PRRG1: variants seen among roughly 807,000 people sequenced by gnomAD.
The protein encoded by PRRG1 is proline rich and Gla domain 1.
Under a neutral mutation model 11.8 loss-of-function variants are expected in PRRG1, and 5 were observed. The ratio of observed to expected loss-of-function variants is 0.42; its 90% CI spans 0.22 to 0.89. PRRG1 has a LOEUF of 0.89. PRRG1 is among the 40% of genes least tolerant of loss of function. The pLI is 0.28. For missense variants in PRRG1, 155 were observed against 166.1 expected (o/e 0.93, Z 0.37); for synonymous variants, 66 against 60.4 (o/e 1.09, Z -0.43).
chrX:37,407,886 A>T (rs1358959462), intron 2 of PRRG1, among the ~76,000 whole-genome samples: 2 of 111,418 alleles, frequency 1.8e-5, no homozygotes, highest in Non-Finnish European at 3.8e-5. Flanking sequence ...GGAAGCCCTA[A>T]GGATTATGGA....
chrX:37,397,239 C>G (rs1216672110), intron 1 of PRRG1, among the ~76,000 whole-genome samples: 2 of 112,305 alleles, frequency 1.8e-5, no homozygotes, highest in African/African-American at 6.5e-5. Flanking sequence ...TAGGACAGTG[C>G]TAAAGTCGAT....
At chrX:37,401,702 T>C (rs1335996448) in intron 1 of PRRG1, among the ~76,000 whole-genome samples, 2 of 111,167 alleles carry the variant, frequency 1.8e-5, no homozygotes, top group African/African-American at 3.3e-5. Context: ...ATTGTCCCTG[T>C]TTGCAGATGA....
At chrX:37,374,551 C>T (rs782637443) in intron 1 of PRRG1, among the ~76,000 whole-genome samples, 8 of 111,089 alleles carry the variant, frequency 7.2e-5, no homozygotes, top group Admixed American at 1.9e-4. Context: ...TATGACTGTT[C>T]GATATCATCT....
intron 1 of PRRG1, among the ~76,000 whole-genome samples, chrX:37,402,565 A>G (rs782708199): frequency 1.8e-5 from 2 of 111,939 alleles, no homozygotes; most frequent in East Asian, 5.6e-4. Context: ...TTCAGGACAT[A>G]GGCATAGGCA....
intron 3 of PRRG1, among the ~76,000 whole-genome samples, chrX:37,439,394 T>C (rs1335939519): frequency 8.9e-6 from 1 of 112,400 alleles, no homozygotes; most frequent in Non-Finnish European, 1.9e-5. Context: ...CATCTTTTCA[T>C]GGAGTCCACA....
intron 1 of PRRG1, among the ~76,000 whole-genome samples, chrX:37,392,571 T>C (rs1363893987): frequency 4.0e-5 from 4 of 100,500 alleles, no homozygotes; most frequent in Non-Finnish European, 6.0e-5. Context: ...GGTGGGAGGA[T>C]CACTTGAGCC....
intron 2 of PRRG1, among the ~76,000 whole-genome samples, chrX:37,415,111 A>G (rs1414000957): frequency 8.9e-6 from 1 of 112,381 alleles, no homozygotes; most frequent in African/African-American, 3.2e-5. Context: ...AAATGAATTA[A>G]TTAAAAATGT....
chrX:37,453,781 T>C lies in PRRG1; in HGVS notation c.*160T>C, dbSNP rs1556397516. The C allele has an allele frequency of 6.3e-5, 37 of 582,998 alleles. No individual in the cohort carries two copies. Among genetic ancestry groups the C allele is most frequent in the African/African-American group, 7.0e-5 (3 of 42,807 alleles). The allele number at this position is 582,998 out of a possible 1,213,427, so 48.0% of individuals were successfully genotyped here. ...TTTTCTTTAGTTTTGTTTCTTGTTA[T>C]AGAATCATTATCCATGCTCATTTTT... On this transcript the variant is annotated 3_prime_UTR_variant, in exon 4 of 4. Transcript: ENST00000378628.
intron 1 of PRRG1, among the ~76,000 whole-genome samples, chrX:37,350,043 A>G (rs782236449): frequency 8.3e-5 from 3 of 36,313 alleles, no homozygotes; most frequent in Admixed American, 6.8e-4. Flanking sequence ...GCCCTGGGGG[A>G]TGGGAGAGCG....
intron 1 of PRRG1, among the ~76,000 whole-genome samples, chrX:37,392,383 C>G (rs1931568144): frequency 9.1e-6 from 1 of 109,622 alleles, no homozygotes. Context: ...CATTAGAAAA[C>G]TAGTGCCAGG....
At chrX:37,421,741 A>T (rs889158318) in intron 2 of PRRG1, among the ~76,000 whole-genome samples, 1 of 112,461 alleles carries the variant, frequency 8.9e-6, no homozygotes, top group Non-Finnish European at 1.9e-5. Context: ...AAAGAAAATA[A>T]TCTAGTTCTG....
intron 1 of PRRG1, among the ~76,000 whole-genome samples, chrX:37,405,064 T>A (rs1401279540): frequency 8.9e-6 from 1 of 112,065 alleles, no homozygotes; most frequent in African/African-American, 3.2e-5. Flanking sequence ...AAAAGTCTTA[T>A]AATAAAGAAA....
intron 1 of PRRG1, among the ~76,000 whole-genome samples, chrX:37,404,114 T>C (rs1487802587): frequency 6.3e-5 from 7 of 111,908 alleles, no homozygotes; most frequent in African/African-American, 1.9e-4. Context: ...GATTCTTTTC[T>C]AAAAGACTTT....
At chrX:37,416,134 C>T (rs782566630) in intron 2 of PRRG1, among the ~76,000 whole-genome samples, 64 of 112,270 alleles carry the variant, frequency 5.7e-4, no homozygotes, top group Non-Finnish European at 1.0e-3. Flanking sequence ...CTCAATGAAA[C>T]TCCATTTCTT....
At chrX:37,357,546 G>C (rs993246416) in intron 1 of PRRG1, among the ~76,000 whole-genome samples, 1 of 111,911 alleles carries the variant, frequency 8.9e-6, no homozygotes, top group African/African-American at 3.2e-5. Flanking sequence ...AATAAATGTC[G>C]TAAGTTTTAA....
intron 3 of PRRG1, among the ~76,000 whole-genome samples, chrX:37,443,516 C>T (rs1427679231): frequency 1.8e-5 from 2 of 111,449 alleles, no homozygotes; most frequent in African/African-American, 6.5e-5. Context: ...CAAATCTATC[C>T]CCAAGCTCAG....
chrX:37,389,424 G>A (rs1556376038), intron 1 of PRRG1, among the ~76,000 whole-genome samples: 1 of 111,494 alleles, frequency 9.0e-6, no homozygotes, highest in Non-Finnish European at 1.9e-5. Flanking sequence ...AGGTTTAATT[G>A]GGTCATGGTT....
rs1038944263 is a variant in PRRG1 at position 37,456,985 on chromosome X, A to C, written c.*3364A>C. ...CCTCCTTGCTCTAAATGTCACAAAA[A>C]ATTATACTTCCTTAAAGTAAATGTA... On this transcript the variant is annotated 3_prime_UTR_variant, in exon 4 of 4. Transcript: ENST00000378628. The C allele has an allele frequency of 8.9e-6, 1 of 111,880 alleles. No homozygotes were observed. Among genetic ancestry groups the C allele is most frequent in the Non-Finnish European group, 1.9e-5 (1 of 53,145 alleles). 9.2% of individuals were successfully genotyped at this position (111,880 alleles called of 1,213,427 possible).
intron 1 of PRRG1, among the ~76,000 whole-genome samples, chrX:37,378,465 T>C (rs1601980889): frequency 8.9e-6 from 1 of 111,970 alleles, no homozygotes; most frequent in South Asian, 3.7e-4. Context: ...AGTAACTAAA[T>C]TGATATGTAG....
Sources: gnomAD v4.1 joint callset for allele counts (sites outside exome capture counted in the v4.1 genomes callset) on GRCh38, gnomAD v4.1.1 for gene constraint, MANE v1.5 for transcripts, NCBI Gene and HGNC (gene_info 2026-07-23, HGNC 2026-07-21) for gene names.